The following METTL15 variants were observed in gnomAD, a reference collection of about 807,000 sequenced individuals.
METTL15 encodes the protein methyltransferase 15, mitochondrial 12S rRNA N4-cytidine.
In METTL15, 34 loss-of-function variants were observed where a neutral mutation model predicts 38.3. The observed-to-expected ratio is 0.89, with a 90% CI of 0.68 to 1.18. The LOEUF is 1.18. Among genes scored for constraint, METTL15 ranks in the 50% most tolerant of loss-of-function variants. The pLI, the probability that METTL15 is intolerant of heterozygous loss-of-function variation, is 0.00. For synonymous variants in METTL15, 162 were observed against 170.9 expected, an observed-to-expected ratio of 0.95 and a Z score of 0.41; for missense variants, 438 against 498.4, an observed-to-expected ratio of 0.88 and a Z score of 1.15.
chr11:28,221,686 A>T (rs1853230537), intron 4 of METTL15, among the ~76,000 whole-genome samples: 1 of 151,994 alleles, frequency 6.6e-6, no homozygotes, highest in Non-Finnish European at 1.5e-5. Context: ...TTATGGTTTT[A>T]TCTACCTTTC....
At chr11:28,460,500 T>C (rs1223420373) in intron 6 of METTL15, among the ~76,000 whole-genome samples, 1 of 152,106 alleles carries the variant, frequency 6.6e-6, no homozygotes, top group African/African-American at 2.4e-5. Flanking sequence ...AAAATATATG[T>C]TATAATTAAC....
intron 6 of METTL15, among the ~76,000 whole-genome samples, chr11:28,443,493 C>T (rs1221138755): frequency 6.6e-6 from 1 of 152,148 alleles, no homozygotes; most frequent in East Asian, 1.9e-4. Context: ...ACCCATAACT[C>T]TCATCTGTCC....
chr11:28,532,349 G>A, the METTL15 span, among the ~76,000 whole-genome samples: 20 of 152,078 alleles, frequency 1.3e-4, no homozygotes, highest in South Asian at 4.1e-3. Context: ...GCTATACCAG[G>A]GATTGTGATT....
intron 6 of METTL15, among the ~76,000 whole-genome samples, chr11:28,434,136 C>G (rs565388202): frequency 1.3e-5 from 2 of 152,152 alleles, no homozygotes; most frequent in African/African-American, 4.8e-5. Flanking sequence ...TTTTTTCCAT[C>G]CTGTTCTTGT....
At chr11:28,394,973 T>C (rs1850553411) in intron 5 of METTL15, among the ~76,000 whole-genome samples, 1 of 152,118 alleles carries the variant, frequency 6.6e-6, no homozygotes, top group African/African-American at 2.4e-5. Context: ...TTCTCCCTAC[T>C]ATACACAACC....
At chr11:28,438,250 TA>T (rs1297660383) in intron 6 of METTL15, among the ~76,000 whole-genome samples, 1 of 152,230 alleles carries the variant, frequency 6.6e-6, no homozygotes, top group Non-Finnish European at 1.5e-5. Context: ...AATTGTGCAC[TA>T]TTCTCTCTAG....
chr11:28,357,130 G>A (rs1850097317), intron 4 of METTL15, among the ~76,000 whole-genome samples: 2 of 152,166 alleles, frequency 1.3e-5, no homozygotes, highest in Admixed American at 1.3e-4. Flanking sequence ...TTTGGAAGGG[G>A]TGTGTCACTT....
At chr11:28,379,577 T>C (rs1850359303) in intron 5 of METTL15, among the ~76,000 whole-genome samples, 1 of 152,194 alleles carries the variant, frequency 6.6e-6, no homozygotes, top group Non-Finnish European at 1.5e-5. Flanking sequence ...AAAGATACTT[T>C]ATATAATTAC....
intron 5 of METTL15, among the ~76,000 whole-genome samples, chr11:28,394,140 G>C (rs555548813): frequency 3.3e-5 from 5 of 152,202 alleles, no homozygotes; most frequent in Admixed American, 1.3e-4. Flanking sequence ...AATGAAAGAA[G>C]TGGCAGAGCA....
At chr11:28,277,221 C>T (rs1012306980) in intron 4 of METTL15, among the ~76,000 whole-genome samples, 4 of 152,072 alleles carry the variant, frequency 2.6e-5, no homozygotes, top group Non-Finnish European at 5.9e-5. Context: ...CCAGCAATAC[C>T]CCTGCTGGGT....
At chr11:28,382,571 C>T (rs530707061) in intron 5 of METTL15, among the ~76,000 whole-genome samples, 7 of 152,042 alleles carry the variant, frequency 4.6e-5, no homozygotes, top group Non-Finnish European at 8.8e-5. Context: ...CAGTGGCTCA[C>T]ACCTGTAATC....
intron 5 of METTL15, among the ~76,000 whole-genome samples, chr11:28,372,858 G>C (rs1479847147): frequency 1.1e-4 from 16 of 142,100 alleles, no homozygotes; most frequent in Non-Finnish European, 2.1e-4. Flanking sequence ...CTATGAGTGA[G>C]AATATGCGGT....
At chr11:28,256,264 A>G (rs1220986360) in intron 4 of METTL15, among the ~76,000 whole-genome samples, 1 of 152,170 alleles carries the variant, frequency 6.6e-6, no homozygotes, top group African/African-American at 2.4e-5. Context: ...GTTTGAGTAG[A>G]ATTTGCATTA....
chr11:28,109,864 A>G (rs578189157), intron 1 of METTL15, among the ~76,000 whole-genome samples: 3 of 152,220 alleles, frequency 2.0e-5, no homozygotes, highest in Non-Finnish European at 4.4e-5. Context: ...GGAATTGTAC[A>G]TTTGGTTAAA....
At chr11:28,375,716 ATG>A (rs1237715383) in intron 5 of METTL15, among the ~76,000 whole-genome samples, 1 of 151,878 alleles carries the variant, frequency 6.6e-6, no homozygotes, top group African/African-American at 2.4e-5. Context: ...TAGCTTTTGA[ATG>A]TGTGTGCTCT....
intron 3 of METTL15, among the ~76,000 whole-genome samples, chr11:28,167,459 G>T (rs1850695783): frequency 6.6e-6 from 1 of 152,080 alleles, no homozygotes; most frequent in African/African-American, 2.4e-5. Context: ...TCTTGTTGCT[G>T]CTGAATTCTC....
At chr11:28,493,770 T>C (rs906914188) in intron 6 of METTL15, among the ~76,000 whole-genome samples, 2 of 152,196 alleles carry the variant, frequency 1.3e-5, no homozygotes, top group Admixed American at 1.3e-4. Flanking sequence ...CTTTTTAGAT[T>C]TGCAATATCT....
chr11:28,296,485 T>C (rs1856739422), intron 5 of METTL15, among the ~76,000 whole-genome samples: 1 of 152,200 alleles, frequency 6.6e-6, no homozygotes, highest in Non-Finnish European at 1.5e-5. Context: ...AAAATTTCTT[T>C]GTGAATTAAA....
At chr11:28,111,513 A>C (rs1174437486) in intron 2 of METTL15, among the ~76,000 whole-genome samples, 1 of 152,222 alleles carries the variant, frequency 6.6e-6, no homozygotes, top group Non-Finnish European at 1.5e-5. Context: ...AATCTATGAG[A>C]TATTACAGAT....
Sources: gnomAD v4.1 joint callset for allele counts (sites outside exome capture counted in the v4.1 genomes callset) on GRCh38, gnomAD v4.1.1 for gene constraint, MANE v1.5 for transcripts, NCBI Gene and HGNC (gene_info 2026-07-23, HGNC 2026-07-21) for gene names.